RP1: variants seen among roughly 807,000 people sequenced by gnomAD.
RP1 encodes the protein RP1 axonemal microtubule associated.
A neutral mutation model predicts 14.8 loss-of-function variants in RP1; 16 were observed. That is an observed-to-expected ratio of 1.08 (90% CI 0.73 to 1.65). The LOEUF (loss-of-function observed/expected upper bound fraction) is 1.65, where lower values mean the gene tolerates loss of function less well. Among genes scored for constraint, RP1 ranks in the 40% most tolerant of loss-of-function variants. The probability of loss-of-function intolerance (pLI) is 0.00; values close to 1 mark genes in which losing one functional copy is unlikely to be tolerated. For missense variants in RP1, 2,631 were observed against 2,535.0 expected (o/e 1.04, Z -0.81); for synonymous variants, 876 against 883.6 (o/e 0.99, Z 0.15).
At chr8:54,693,750 C>T (rs1478595239) in intron 12 of RP1, among the ~76,000 whole-genome samples, 1 of 152,170 alleles carries the variant, frequency 6.6e-6, no homozygotes, top group Admixed American at 6.5e-5. Context: ...GATATACAAT[C>T]ATGTCATCTG....
At position 54,734,690 on chromosome 8, in the gene RP1, T is replaced by C. The variant is rs541821150; in HGVS notation, c.2667T>C (p.Leu889=). 5 of 1,535,718 alleles carry C rather than the reference T, an allele frequency of 3.3e-6. No individual in the cohort carries two copies. The East Asian group carries it at 1.2e-4, about 38-fold the overall frequency. Residue 889 remains leucine, a synonymous_variant, in exon 18 of 23, where the codon CTT becomes CTC. Transcript: ENST00000636932. Reference sequence around the variant, plus strand: ...AAGGAGTCACTGGGCCAATAAGTCTTCGCAAGGACAGCTCAGAGCAGCTCT... The same window carrying C: ...AAGGAGTCACTGGGCCAATAAGTCTCCGCAAGGACAGCTCAGAGCAGCTCT...
intron 21 of RP1, among the ~76,000 whole-genome samples, chr8:54,758,466 G>A (rs1809561817): frequency 6.8e-6 from 1 of 146,832 alleles, no homozygotes; most frequent in Admixed American, 6.8e-5. Flanking sequence ...AGGAGGGAGG[G>A]AGGGAGGGAG....
At chr8:54,787,770 A>G (rs1324923296) in intron 24 of RP1, among the ~76,000 whole-genome samples, 1 of 152,200 alleles carries the variant, frequency 6.6e-6, no homozygotes, top group Non-Finnish European at 1.5e-5. Context: ...TAATCATTGA[A>G]TATCCCTTAT....
chr8:54,838,603 A>G (rs553752408), intron 25 of RP1, among the ~76,000 whole-genome samples: 1 of 152,202 alleles, frequency 6.6e-6, no homozygotes, highest in Admixed American at 6.5e-5. Flanking sequence ...GAATGTATGC[A>G]TGTGTGTATA....
At chr8:54,660,412 T>C (rs930010173) in intron 6 of RP1, among the ~76,000 whole-genome samples, 5 of 152,244 alleles carry the variant, frequency 3.3e-5, no homozygotes, top group African/African-American at 1.2e-4. Context: ...ATAAGAATGC[T>C]TTTTCTGCAT....
intron 1 of RP1, among the ~76,000 whole-genome samples, chr8:54,598,801 T>G (rs1002194908): frequency 6.6e-6 from 1 of 152,214 alleles, no homozygotes; most frequent in Non-Finnish European, 1.5e-5. Context: ...CCTTCGGAGC[T>G]TCTTGACTTT....
At chr8:54,673,283 A>G (rs964656426) in intron 7 of RP1, among the ~76,000 whole-genome samples, 4 of 152,188 alleles carry the variant, frequency 2.6e-5, no homozygotes, top group African/African-American at 7.2e-5. Context: ...CCATTTTTTA[A>G]TGGATATGCT....
chr8:54,666,515 G>A (rs1467555424), intron 7 of RP1, among the ~76,000 whole-genome samples: 3 of 151,976 alleles, frequency 2.0e-5, no homozygotes, highest in African/African-American at 7.2e-5. Context: ...TGCTCAGTGT[G>A]TGGAGAAACT....
At chr8:54,729,618 CTATT>C (rs1169993455) in intron 17 of RP1, among the ~76,000 whole-genome samples, 2 of 151,980 alleles carry the variant, frequency 1.3e-5, no homozygotes, top group Non-Finnish European at 2.9e-5. Context: ...ACTTTAAAAT[CTATT>C]TATGCTTGTG....
intron 1 of RP1, among the ~76,000 whole-genome samples, chr8:54,591,903 A>C (rs1805049332): frequency 6.6e-6 from 1 of 152,212 alleles, no homozygotes; most frequent in South Asian, 2.1e-4. Flanking sequence ...CTGAGAGAAC[A>C]GAAATGTACC....
intron 24 of RP1, among the ~76,000 whole-genome samples, chr8:54,795,435 C>A (rs2129386517): frequency 6.6e-6 from 1 of 152,158 alleles, no homozygotes; most frequent in East Asian, 1.9e-4. Context: ...CGTTGATTTT[C>A]AGAAGGGTTA....
intron 14 of RP1, among the ~76,000 whole-genome samples, chr8:54,703,698 G>T (rs1328435261): frequency 1.3e-5 from 2 of 152,172 alleles, no homozygotes; most frequent in Admixed American, 1.3e-4. Context: ...GTCATGTGTG[G>T]CATCTTCTTC....
chr8:54,569,612 T>G lies in RP1; in HGVS notation c.-13+10292T>G, dbSNP rs114920182. Among the ~76,000 whole-genome samples, 648 of 152,294 alleles carry G rather than the reference T, an allele frequency of 4.3e-3. 8 individuals are homozygous for G. Among genetic ancestry groups the G allele is most frequent in the African/African-American group, 0.015 (635 of 41,566 alleles). ...CTGCCCACCATGTGCTTCATAGGCATCTTCTTTTGGAACTTTTTCCCAGAA... is the reference window on the plus strand; with the variant it reads ...CTGCCCACCATGTGCTTCATAGGCAGCTTCTTTTGGAACTTTTTCCCAGAA... On this transcript the variant is annotated intron_variant, in intron 1 of 22. Transcript: ENST00000636932.
intron 24 of RP1, among the ~76,000 whole-genome samples, chr8:54,796,112 G>A (rs1554534131): frequency 6.6e-6 from 1 of 152,160 alleles, no homozygotes; most frequent in Non-Finnish European, 1.5e-5. Flanking sequence ...GCAGTGATAG[G>A]TGTGAGTATT....
At position 54,645,331 on chromosome 8, in the gene RP1, A is replaced by C. The variant is rs567898757; in HGVS notation, c.788-3654A>C. On this transcript the variant is annotated intron_variant, in intron 3 of 22. Coordinates refer to the RP1 transcript ENST00000636932. ...TTTCCAAAGTATTATGCCATTTCAC[A>C]TTTCCTCTGGTTATGCATGAGAGTT... Among the ~76,000 whole-genome samples, 5 of 152,300 alleles carry C rather than the reference A, an allele frequency of 3.3e-5. No individual in the cohort carries two copies. In the East Asian group the frequency reaches 7.7e-4, roughly 23 times the overall value.
In RP1 at chr8:54,832,069, C is replaced by T. The variant is rs551093669; in HGVS notation, c.3616-5381C>T. On this transcript the variant is annotated intron_variant, in intron 24 of 28. Coordinates refer to the RP1 transcript ENST00000637698. ...TAAAAATAGTATTTTTCTTTGGCTG[C>T]TTTTAAGAATTTTTCTTTCCTTTTC... Among the ~76,000 whole-genome samples, 10 of 151,790 alleles carry T rather than the reference C, an allele frequency of 6.6e-5. No homozygotes were observed. In the South Asian group the frequency reaches 2.1e-3, roughly 32 times the overall value.
intron 24 of RP1, among the ~76,000 whole-genome samples, chr8:54,790,176 G>C (rs1158576179): frequency 2.0e-5 from 3 of 152,172 alleles, no homozygotes; most frequent in African/African-American, 4.8e-5. Context: ...CTACAGCCAG[G>C]TCAGCAGACC....
chr8:54,570,766 A>G (rs1466583032), intron 1 of RP1, among the ~76,000 whole-genome samples: 1 of 152,140 alleles, frequency 6.6e-6, no homozygotes, highest in Non-Finnish European at 1.5e-5. Context: ...TAAATAATAC[A>G]ATACTTGTTC....
At chr8:54,816,792 C>A (rs1811141821) in intron 24 of RP1, among the ~76,000 whole-genome samples, 1 of 152,164 alleles carries the variant, frequency 6.6e-6, no homozygotes. Context: ...CCTGAGGGAA[C>A]CACCTATCTT....
Sources: allele counts gnomAD v4.1 joint callset (sites outside exome capture counted in the v4.1 genomes callset), GRCh38; gene constraint gnomAD v4.1.1; transcripts MANE v1.5; gene names NCBI Gene and HGNC (gene_info 2026-07-23, HGNC 2026-07-21).